FRMD4B: variants seen among roughly 807,000 people sequenced by gnomAD.
FRMD4B encodes FERM domain containing 4B.
Under a neutral mutation model 141.5 loss-of-function variants are expected in FRMD4B, and 74 were observed. The observed-to-expected ratio is 0.52, with a 90% CI of 0.43 to 0.63. FRMD4B has a LOEUF of 0.63. FRMD4B is among the 30% of genes least tolerant of loss of function. The pLI is 0.00. For synonymous variants in FRMD4B, 506 were observed against 467.9 expected, an observed-to-expected ratio of 1.08 and a Z score of -1.05; for missense variants, 1,366 against 1,253.4, an observed-to-expected ratio of 1.09 and a Z score of -1.36.
chr3:69,410,706 T>TATAAATAAATAAATAAATAA (rs1219342263), intron 2 of FRMD4B, among the ~76,000 whole-genome samples: 1 of 114,478 alleles, frequency 8.7e-6, no homozygotes, highest in African/African-American at 3.4e-5. Context: ...AAAAGAAATA[T>TATAAATAAATAAATAAATAA]ATAAATAAAT....
intron 1 of FRMD4B, among the ~76,000 whole-genome samples, chr3:69,504,506 T>A (rs1400684258): frequency 6.6e-6 from 1 of 152,140 alleles, no homozygotes; most frequent in Non-Finnish European, 1.5e-5. Flanking sequence ...CGACCTCCAA[T>A]GTACATGATG....
intron 1 of FRMD4B, among the ~76,000 whole-genome samples, chr3:69,354,221 A>G (rs995962509): frequency 3.3e-5 from 5 of 152,186 alleles, no homozygotes; most frequent in African/African-American, 1.2e-4. Flanking sequence ...TCATTTCACT[A>G]TTTGCATTTA....
At chr3:69,359,111 A>T (rs1341943204) in intron 1 of FRMD4B, among the ~76,000 whole-genome samples, 1 of 152,224 alleles carries the variant, frequency 6.6e-6, no homozygotes, top group Non-Finnish European at 1.5e-5. Context: ...TGGTGGGGGA[A>T]CAGCAGTGAG....
intron 5 of FRMD4B, among the ~76,000 whole-genome samples, chr3:69,258,562 A>T (rs76674673): frequency 0.036 from 5,515 of 152,284 alleles, 168 homozygotes; most frequent in East Asian, 0.11. Context: ...TGAGCAATTT[A>T]AAAATTACTA....
chr3:69,456,874 T>G (rs1705624566), intron 1 of FRMD4B, among the ~76,000 whole-genome samples: 1 of 152,210 alleles, frequency 6.6e-6, no homozygotes, highest in Non-Finnish European at 1.5e-5. Flanking sequence ...TGTCTATGGC[T>G]GCTTTCATAC....
chr3:69,467,168 A>G (rs1307787277), intron 1 of FRMD4B, among the ~76,000 whole-genome samples: 4 of 152,216 alleles, frequency 2.6e-5, no homozygotes, highest in Non-Finnish European at 5.9e-5. Context: ...TTTGGAGCCA[A>G]TGAGAAGTGG....
intron 11 of FRMD4B, among the ~76,000 whole-genome samples, chr3:69,202,528 A>T (rs1424557429): frequency 6.6e-6 from 1 of 152,000 alleles, no homozygotes. Context: ...AATACAATTA[A>T]GAGTATGGAA....
In FRMD4B at chr3:69,258,860, A is replaced by C. The variant is rs147862558; in HGVS notation, c.502-8761T>G. The stretch of plus-strand genomic sequence containing the variant: ...GAGAAAGTTATTTTTTCTGAAACTC[A>C]GCTCCTCATCTGCAAAATAGAAGAT... On this transcript the variant is annotated intron_variant, in intron 5 of 22. Coordinates refer to ENST00000398540, the MANE Select transcript of FRMD4B (RefSeq NM_015123.3). 3.2e-3 allele frequency among the ~76,000 whole-genome samples: 492 copies of C among 152,248 alleles called. 3 individuals are homozygous for C. The highest frequency in any genetic ancestry group is 0.011 in the African/African-American group (472 of 41,542).
At chr3:69,531,850 T>C (rs1205415957) in intron 1 of FRMD4B, among the ~76,000 whole-genome samples, 1 of 152,176 alleles carries the variant, frequency 6.6e-6, no homozygotes, top group Non-Finnish European at 1.5e-5. Context: ...GCAAAAACAA[T>C]TTCTTCTTCT....
chr3:69,482,779 C>T (rs1381415259), intron 1 of FRMD4B, among the ~76,000 whole-genome samples: 1 of 152,186 alleles, frequency 6.6e-6, no homozygotes, highest in East Asian at 1.9e-4. Flanking sequence ...CCTCGGGTGA[C>T]CCCCATAGGG....
chr3:69,203,320 C>CAAAAAAAAAAAAAAAAAAAAAAATAAAA (rs2092989311), intron 11 of FRMD4B, among the ~76,000 whole-genome samples: 1 of 107,898 alleles, frequency 9.3e-6, no homozygotes, highest in Non-Finnish European at 1.7e-5. Context: ...CAAACTTCAG[C>CAAAAAAAAAAAAAAAAAAAAAAATAAAA]AAAAAAAAAA....
At chr3:69,210,287 G>C (rs919635130) in intron 11 of FRMD4B, among the ~76,000 whole-genome samples, 5 of 152,198 alleles carry the variant, frequency 3.3e-5, no homozygotes, top group African/African-American at 1.2e-4. Flanking sequence ...TTTGCCGAAG[G>C]GATACAAATC....
chr3:69,514,842 T>C (rs1026154997), intron 1 of FRMD4B, among the ~76,000 whole-genome samples: 3 of 152,152 alleles, frequency 2.0e-5, no homozygotes, highest in African/African-American at 4.8e-5. Context: ...ATGGCATTTT[T>C]TGAAGAAATA....
chr3:69,474,579 C>G lies in FRMD4B; in HGVS notation c.-128-41818G>C, dbSNP rs190251191. On this transcript the variant is annotated intron_variant, in intron 1 of 5. Coordinates refer to the FRMD4B transcript ENST00000459638. ...CATTTCTGCCCCAAAAGCTACAAGT[C>G]TAAATGCTTCATATATTATTACAAC... Among the ~76,000 whole-genome samples, 3 of 152,282 alleles carry G rather than the reference C, an allele frequency of 2.0e-5. No homozygotes were observed. In the East Asian group the frequency reaches 5.8e-4, roughly 29 times the overall value.
intron 21 of FRMD4B, among the ~76,000 whole-genome samples, chr3:69,180,126 C>T (rs546824410): frequency 6.6e-5 from 10 of 151,972 alleles, no homozygotes; most frequent in Non-Finnish European, 1.2e-4. Context: ...CCAGGCACTG[C>T]GGCTCTCACA....
chr3:69,264,606 C>T (rs2093548977), intron 5 of FRMD4B, among the ~76,000 whole-genome samples: 1 of 152,088 alleles, frequency 6.6e-6, no homozygotes, highest in South Asian at 2.1e-4. Flanking sequence ...AGCAAATTTA[C>T]ACTACACACA....
At chr3:69,421,593 G>A (rs1268581318) in intron 2 of FRMD4B, among the ~76,000 whole-genome samples, 1 of 152,236 alleles carries the variant, frequency 6.6e-6, no homozygotes, top group Non-Finnish European at 1.5e-5. Flanking sequence ...GCAATCTTGA[G>A]TCTAGATGTG....
Position 69,182,581 on chromosome 3 carries a change from G to C in FRMD4B, c.2039+17C>G. 2 of 1,590,318 alleles carry C rather than the reference G, an allele frequency of 1.3e-6. No individual in the cohort carries two copies. Among genetic ancestry groups the C allele is most frequent in the Non-Finnish European group, 1.7e-6 (2 of 1,172,372 alleles). ...AAAATCAAGACAGCTAAAGCAATGAGAAAGAAGCTCTCTTACTCCAAGTGG... is the reference window on the plus strand; with the variant it reads ...AAAATCAAGACAGCTAAAGCAATGACAAAGAAGCTCTCTTACTCCAAGTGG... On this transcript the variant is annotated intron_variant, in intron 20 of 22. Coordinates refer to ENST00000398540, the MANE Select transcript of FRMD4B (RefSeq NM_015123.3).
At chr3:69,227,490 C>A (rs757050632) in intron 7 of FRMD4B, among the ~76,000 whole-genome samples, 5 of 151,714 alleles carry the variant, frequency 3.3e-5, no homozygotes, top group African/African-American at 1.2e-4. Flanking sequence ...TGTGAAACCC[C>A]GTCTCTACTA....
Sources: allele counts gnomAD v4.1 joint callset (sites outside exome capture counted in the v4.1 genomes callset), GRCh38; gene constraint gnomAD v4.1.1; transcripts MANE v1.5; gene names NCBI Gene and HGNC (gene_info 2026-07-23, HGNC 2026-07-21).